ATG7: variants seen among roughly 807,000 people sequenced by gnomAD.
ATG7 encodes the protein autophagy related 7.
ATG7 carries 70 observed loss-of-function variants against 82.4 expected under a neutral mutation model. The ratio of observed to expected loss-of-function variants is 0.85; its 90% CI spans 0.70 to 1.04. The LOEUF is 1.04. Ranked by LOEUF, ATG7 falls within the 50% of genes least tolerant of loss-of-function variation. The pLI is 0.00. For synonymous variants in ATG7, 287 were observed against 313.0 expected (o/e 0.92, Z 0.88); for missense variants, 792 against 864.3 (o/e 0.92, Z 1.05).
intron 13 of ATG7, among the ~76,000 whole-genome samples, chr3:11,346,054 T>A (rs1202119688): frequency 1.3e-5 from 2 of 152,240 alleles, no homozygotes; most frequent in African/African-American, 4.8e-5. Flanking sequence ...TGCCTGTCTA[T>A]GAGGCCTTTT....
At chr3:11,273,970 T>A (rs541162230) in intron 1 of ATG7, among the ~76,000 whole-genome samples, 1 of 152,292 alleles carries the variant, frequency 6.6e-6, no homozygotes, top group South Asian at 2.1e-4. Flanking sequence ...GCTAAACTGC[T>A]TTCCCATCCC....
At chr3:11,481,106 G>A (rs2088914281) in intron 20 of ATG7, among the ~76,000 whole-genome samples, 2 of 152,062 alleles carry the variant, frequency 1.3e-5, no homozygotes, top group Admixed American at 6.6e-5. Context: ...TGTTTTCTTC[G>A]GCAAGCATTT....
chr3:11,506,924 GCCATGGATCA>G (rs1268141000), intron 20 of ATG7, among the ~76,000 whole-genome samples: 1 of 152,026 alleles, frequency 6.6e-6, no homozygotes, highest in Non-Finnish European at 1.5e-5. Flanking sequence ...CATTTTTTGT[GCCATGGATCA>G]CTTTACAGAG....
intron 11 of ATG7, among the ~76,000 whole-genome samples, chr3:11,336,720 G>A (rs1952558819): frequency 6.6e-6 from 1 of 152,028 alleles, no homozygotes; most frequent in Non-Finnish European, 1.5e-5. Flanking sequence ...CCAGGCTGGA[G>A]TGAGTGCAGT....
Position 11,347,966 on chromosome 3 carries a change from T to C in ATG7, c.1215T>C (p.Asp405=). Residue 405 remains aspartate, a synonymous_variant, in exon 14 of 21, where the codon GAT becomes GAC. Transcript: ENST00000693202. The part of the protein sequence containing the change: ...PVRQPLYEFE[D]CLGGGKPKAL... ...GGCAGCCTCTCTATGAGTTTGAAGA[T>C]TGCCTAGGGGGTGGTAAGCCCAAGG... is the stretch of plus-strand genomic sequence containing the variant. 6.2e-7 allele frequency: 1 copy of C among 1,614,138 alleles called. No homozygotes were observed.
At chr3:11,300,672 A>G (rs555919000) in intron 5 of ATG7, among the ~76,000 whole-genome samples, 94 of 152,320 alleles carry the variant, frequency 6.2e-4, no homozygotes, top group Middle Eastern at 3.4e-3. Flanking sequence ...ATGGTGGTTT[A>G]ATGACTTTTT....
intron 18 of ATG7, among the ~76,000 whole-genome samples, chr3:11,371,335 G>T (rs1023883519): frequency 3.3e-5 from 5 of 150,958 alleles, no homozygotes; most frequent in Non-Finnish European, 4.4e-5. Flanking sequence ...GAAGGGAAAG[G>T]CCAGTTTACC....
At chr3:11,319,933 T>C (rs908430550) in intron 9 of ATG7, among the ~76,000 whole-genome samples, 7 of 152,194 alleles carry the variant, frequency 4.6e-5, no homozygotes, top group African/African-American at 1.7e-4. Flanking sequence ...CCCCACAGTT[T>C]TCCTTAGAAA....
the ATG7 span, among the ~76,000 whole-genome samples, chr3:11,567,144 C>T: frequency 2.0e-5 from 3 of 152,266 alleles, no homozygotes; most frequent in South Asian, 6.2e-4. Context: ...AGCAGGGGCA[C>T]GCGCTCAGCT....
chr3:11,316,780 G>T (rs537814124), intron 9 of ATG7, among the ~76,000 whole-genome samples: 4 of 152,302 alleles, frequency 2.6e-5, no homozygotes, highest in Admixed American at 2.0e-4. Context: ...CCATACAGGA[G>T]ACTATGAATT....
At chr3:11,492,882 G>T (rs1347359605) in intron 20 of ATG7, among the ~76,000 whole-genome samples, 2 of 152,212 alleles carry the variant, frequency 1.3e-5, no homozygotes, top group Non-Finnish European at 2.9e-5. Flanking sequence ...TCCAGGTGGG[G>T]GTGCCTGAAA....
intron 20 of ATG7, among the ~76,000 whole-genome samples, chr3:11,480,301 G>A (rs2088788930): frequency 6.6e-6 from 1 of 152,162 alleles, no homozygotes; most frequent in Non-Finnish European, 1.5e-5. Context: ...TTGGGAGGCT[G>A]AGGTGGGAAG....
intron 9 of ATG7, among the ~76,000 whole-genome samples, chr3:11,317,176 G>A (rs1312778059): frequency 6.6e-6 from 1 of 152,086 alleles, no homozygotes; most frequent in African/African-American, 2.4e-5. Context: ...ACTGAAGATT[G>A]AATTTTTATT....
intron 20 of ATG7, among the ~76,000 whole-genome samples, chr3:11,551,835 A>G (rs1043528320): frequency 1.3e-5 from 2 of 151,420 alleles, no homozygotes; most frequent in Non-Finnish European, 2.9e-5. Flanking sequence ...TACAACTTCT[A>G]CCTCCTGAGT....
chr3:11,566,654 G>A, the ATG7 span, among the ~76,000 whole-genome samples: 2 of 152,178 alleles, frequency 1.3e-5, no homozygotes, highest in Non-Finnish European at 2.9e-5. Context: ...CTCTGTGGCT[G>A]TGTACACGCG....
In ATG7 at chr3:11,556,642, G is replaced by A. The variant is rs2125085024; in HGVS notation, c.*1799G>A. On this transcript the variant is annotated 3_prime_UTR_variant, in exon 21 of 21. Coordinates refer to ENST00000693202, the MANE Select transcript of ATG7 (RefSeq NM_001349232.2). ...TTTTTTTCCGAACAACAAAAAAAATGAATGATTACAATAGGAAAGGGAAAA... is the reference window on the plus strand; with the variant it reads ...TTTTTTTCCGAACAACAAAAAAAATAAATGATTACAATAGGAAAGGGAAAA... 1 of 152,298 alleles carries A rather than the reference G, an allele frequency of 6.6e-6. No individual in the cohort carries two copies. Among genetic ancestry groups the A allele is most frequent in the South Asian group, 2.1e-4 (1 of 4,802 alleles). The allele number at this position is 152,298 out of a possible 1,614,324, so 9.4% of individuals were successfully genotyped here. A position where few individuals can be genotyped will look rare whatever the true frequency, so the allele number is the denominator to read the frequency against.
At chr3:11,482,479 C>T (rs1457451792) in intron 20 of ATG7, among the ~76,000 whole-genome samples, 1 of 152,192 alleles carries the variant, frequency 6.6e-6, no homozygotes, top group Non-Finnish European at 1.5e-5. Flanking sequence ...CTGACTCCTT[C>T]AGTAGAATGG....
At chr3:11,369,500 G>A (rs1327237424) in intron 18 of ATG7, among the ~76,000 whole-genome samples, 3 of 151,134 alleles carry the variant, frequency 2.0e-5, no homozygotes, top group Non-Finnish European at 1.5e-5. Flanking sequence ...TAAGTAACTG[G>A]CACAAGATCA....
At chr3:11,375,609 G>T (rs1227486665) in intron 18 of ATG7, among the ~76,000 whole-genome samples, 5 of 152,192 alleles carry the variant, frequency 3.3e-5, no homozygotes, top group Non-Finnish European at 7.3e-5. Context: ...ATCCAAGCTG[G>T]AGTGCAGTGG....
Sources: allele counts gnomAD v4.1 joint callset (sites outside exome capture counted in the v4.1 genomes callset), GRCh38; gene constraint gnomAD v4.1.1; transcripts MANE v1.5; gene names NCBI Gene and HGNC (gene_info 2026-07-23, HGNC 2026-07-21).